The following KL variants were observed in gnomAD, a reference collection of about 807,000 sequenced individuals.
KL encodes the protein alpha-klotho.
KL carries 62 observed loss-of-function variants against 84.2 expected under a neutral mutation model. That is an observed-to-expected ratio of 0.74 (90% CI 0.60 to 0.91). The LOEUF (loss-of-function observed/expected upper bound fraction) is 0.91, where lower values mean the gene tolerates loss of function less well. Among genes scored for constraint, KL ranks in the 40% least tolerant of loss-of-function variants. The pLI is 0.00. For missense variants in KL, 1,261 were observed against 1,305.7 expected (o/e 0.97, Z 0.53); for synonymous variants, 528 against 528.0 (o/e 1.00, Z 0.00).
chr13:33,027,474 T>A, intron 1 of KL, among the ~76,000 whole-genome samples: 1 of 152,196 alleles, frequency 6.6e-6, no homozygotes, highest in East Asian at 1.9e-4. Context: ...GTCTATCAGG[T>A]CCTAGGCCTG....
intron 3 of KL, among the ~76,000 whole-genome samples, chr13:33,055,561 C>T (rs557117475): frequency 6.6e-6 from 1 of 152,094 alleles, no homozygotes; most frequent in Non-Finnish European, 1.5e-5. Flanking sequence ...ATTTAAGATC[C>T]GATTAAGACA....
intron 1 of KL, among the ~76,000 whole-genome samples, chr13:33,039,003 T>G (rs1274420570): frequency 6.6e-6 from 1 of 152,194 alleles, no homozygotes; most frequent in Non-Finnish European, 1.5e-5. Context: ...ATGCCCACTG[T>G]CCTACTCAAT....
Position 33,064,092 on chromosome 13 carries a change from T to C in KL, c.2945T>C (p.Leu982Ser). ...AGTTTTTTTCACACCCGAAAGTCTTTACTGGCTTTCATAGCTTTTCTATTT... is the reference window on the plus strand; with the variant it reads ...AGTTTTTTTCACACCCGAAAGTCTTCACTGGCTTTCATAGCTTTTCTATTT... ...ECSFFHTRKS[L>S]LAFIAFLFFA... The change falls in exon 5 of 5, where the codon TTA (leucine) becomes TCA (serine). Residue 982 changes from leucine to serine, a missense_variant. By Grantham distance (145) the Leu-to-Ser change is moderately radical (BLOSUM62 -2). Coordinates refer to ENST00000380099, the MANE Select transcript of KL (RefSeq NM_004795.4). The C allele has an allele frequency of 2.5e-6, 4 of 1,614,124 alleles. No individual in the cohort carries two copies. Among genetic ancestry groups the C allele is most frequent in the Non-Finnish European group, 3.4e-6 (4 of 1,179,942 alleles).
chr13:33,028,484 C>T (rs1295675097), intron 1 of KL, among the ~76,000 whole-genome samples: 1 of 152,140 alleles, frequency 6.6e-6, no homozygotes, highest in Non-Finnish European at 1.5e-5. Context: ...GACATGGGAT[C>T]TATGAAAGGG....
chr13:33,057,332 G>T (rs941809803), intron 3 of KL, among the ~76,000 whole-genome samples: 6 of 152,162 alleles, frequency 3.9e-5, no homozygotes, highest in Admixed American at 3.9e-4. Flanking sequence ...CCTCATCAGG[G>T]GGCTGTGCGC....
chr13:33,046,057 T>C (rs1439901716), intron 1 of KL, among the ~76,000 whole-genome samples: 1 of 152,230 alleles, frequency 6.6e-6, no homozygotes, highest in Non-Finnish European at 1.5e-5. Context: ...AGTATTTGGT[T>C]GCATTCTTTT....
At chr13:33,023,053 G>A (rs1412204701) in intron 1 of KL, among the ~76,000 whole-genome samples, 1 of 152,206 alleles carries the variant, frequency 6.6e-6, no homozygotes, top group Non-Finnish European at 1.5e-5. Context: ...GGAAAAGAGA[G>A]GAAGAGGGAA....
chr13:33,017,212 C>T lies in KL; in HGVS notation c.772C>T (p.Arg258Trp), dbSNP rs1167574749. 7 of 1,593,732 alleles carry T rather than the reference C, an allele frequency of 4.4e-6. No individual in the cohort carries two copies. The African/African-American group carries it at 8.0e-5, about 18-fold the overall frequency. The stretch of plus-strand genomic sequence containing the variant: ...CACCGGGCGCCTGGCCCCCGGCATC[C>T]GGGGCAGCCCGCGGCTCGGGTACCT... ...YATGRLAPGI[R>W]GSPRLGYLVA... The change falls in exon 1 of 5, where the codon CGG becomes TGG. Residue 258 changes from arginine (R) to tryptophan (W), a missense_variant. Physicochemically the swap from Arg to Trp is moderately radical, Grantham distance 101. Coordinates refer to ENST00000380099, the MANE Select transcript of KL (RefSeq NM_004795.4).
At chr13:33,054,758 C>A (rs1235739745) in intron 2 of KL, among the ~76,000 whole-genome samples, 1 of 152,074 alleles carries the variant, frequency 6.6e-6, no homozygotes, top group Non-Finnish European at 1.5e-5. Context: ...GAAAGTGGTA[C>A]AAGACATCTT....
At chr13:33,052,921 C>A (rs541460095) in intron 1 of KL, among the ~76,000 whole-genome samples, 5 of 152,210 alleles carry the variant, frequency 3.3e-5, no homozygotes, top group African/African-American at 1.2e-4. Context: ...GGAGAAAAAA[C>A]CCCTATAATT....
At chr13:33,061,819 G>A in intron 4 of KL, 39 bp downstream of exon 4, 1 of 1,599,148 alleles carries the variant, frequency 6.3e-7, no homozygotes, top group Non-Finnish European at 8.5e-7. Flanking sequence ...TGAAGGTTAT[G>A]TCACCAGAGG....
chr13:33,020,429 T>C (rs746638016), intron 1 of KL, among the ~76,000 whole-genome samples: 1 of 152,144 alleles, frequency 6.6e-6, no homozygotes, highest in Non-Finnish European at 1.5e-5. Flanking sequence ...TTGCTTTGAA[T>C]ACTGCTGCAT....
intron 1 of KL, among the ~76,000 whole-genome samples, chr13:33,032,858 A>G (rs1185964033): frequency 2.0e-5 from 3 of 152,150 alleles, no homozygotes; most frequent in Non-Finnish European, 4.4e-5. Context: ...ATCTTTCAAT[A>G]TAAGGTTTAG....
At chr13:33,063,070 G>A (rs1299213405) in intron 4 of KL, among the ~76,000 whole-genome samples, 1 of 152,028 alleles carries the variant, frequency 6.6e-6, no homozygotes, top group African/African-American at 2.4e-5. Flanking sequence ...AGGCACTTGT[G>A]CAGGCCCAGT....
Position 33,017,130 on chromosome 13 carries a change from G to T in KL, c.690G>T (p.Gln230His). 11 of 1,603,726 alleles carry T rather than the reference G, an allele frequency of 6.9e-6. No individual in the cohort carries two copies. Among genetic ancestry groups the T allele is most frequent in the Non-Finnish European group, 9.3e-6 (11 of 1,179,796 alleles). Residue 230 changes from glutamine to histidine, a missense_variant, in exon 1 of 5, where the codon CAG becomes CAT. Coordinates refer to ENST00000380099, the MANE Select transcript of KL (RefSeq NM_004795.4). ...AELCFRHFGGQVKYWITIDNP... is the reference protein window; with the variant it reads ...AELCFRHFGGHVKYWITIDNP... The stretch of plus-strand genomic sequence containing the variant: ...TCTGCTTCCGCCACTTCGGCGGTCA[G>T]GTCAAGTACTGGATCACCATCGACA...
chr13:33,058,279 C>T (rs1872039571), intron 3 of KL, among the ~76,000 whole-genome samples: 1 of 151,532 alleles, frequency 6.6e-6, no homozygotes, highest in South Asian at 2.1e-4. Flanking sequence ...TTAGTAAAAT[C>T]TTAGTTAACA....
At position 33,054,072 on chromosome 13, in the gene KL, G is replaced by A. The variant is rs778901164; in HGVS notation, c.1125G>A (p.Leu375=). 3.7e-6 allele frequency: 6 copies of A among 1,613,706 alleles called. No individual in the cohort carries two copies. The highest frequency in any genetic ancestry group is 4.2e-6 in the Non-Finnish European group (5 of 1,179,940). The change falls in exon 2 of 5, where the codon TTG becomes TTA. Residue 375 remains leucine, a synonymous_variant. Coordinates refer to ENST00000380099, the MANE Select transcript of KL (RefSeq NM_004795.4). ...DFFALCFGPT[L]SFQLLDPHMK... ...TTGCTCTTTGCTTTGGACCCACCTT[G>A]AGTTTTCAACTTTTGGACCCTCACA...
chr13:33,050,316 T>C (rs150217479), intron 1 of KL, among the ~76,000 whole-genome samples: 1 of 152,364 alleles, frequency 6.6e-6, no homozygotes, highest in African/African-American at 2.4e-5. Context: ...AGACTATATG[T>C]AACCATCTCC....
At chr13:33,042,682 G>A (rs1205785646) in intron 1 of KL, among the ~76,000 whole-genome samples, 3 of 152,112 alleles carry the variant, frequency 2.0e-5, no homozygotes, top group Non-Finnish European at 1.5e-5. Flanking sequence ...GCTACTATAA[G>A]CATTTTTTTT....
Sources: allele counts gnomAD v4.1 joint callset (sites outside exome capture counted in the v4.1 genomes callset), GRCh38; gene constraint gnomAD v4.1.1; transcripts MANE v1.5; gene names NCBI Gene and HGNC (gene_info 2026-07-23, HGNC 2026-07-21).